The following NOP53 variants were observed in gnomAD, a reference collection of about 807,000 sequenced individuals.
NOP53 encodes the protein ribosome biogenesis protein NOP53.
A neutral mutation model predicts 61.0 loss-of-function variants in NOP53; 40 were observed. That is an observed-to-expected ratio of 0.66 (90% CI 0.51 to 0.85). The LOEUF is 0.85. Ranked by LOEUF, NOP53 falls within the 40% of genes least tolerant of loss-of-function variation. The pLI, the probability that NOP53 is intolerant of heterozygous loss-of-function variation, is 0.00. For synonymous variants in NOP53, 308 were observed against 289.5 expected (o/e 1.06, Z -0.65); for missense variants, 689 against 652.9 (o/e 1.06, Z -0.60).
chr19:47,748,870 C>T (rs374464174), intron 2 of NOP53, among the ~76,000 whole-genome samples: 50 of 151,944 alleles, frequency 3.3e-4, no homozygotes, highest in African/African-American at 1.1e-3. Flanking sequence ...CAGAGCAAGA[C>T]TCTGTCTCAA....
At chr19:47,756,426 G>T in intron 10 of NOP53, 102 bp from the exon 11 acceptor site, 4 of 877,238 alleles carry the variant, frequency 4.6e-6, no homozygotes, top group East Asian at 5.1e-5. Context: ...GCTGCCCTGG[G>T]GGGAGACTGC....
At chr19:47,756,793 C>T (rs200855293) in intron 12 of NOP53, 49 bp downstream of exon 12, 594 of 1,590,682 alleles carry the variant, frequency 3.7e-4, no homozygotes, top group Middle Eastern at 1.3e-3. Flanking sequence ...TCTCCCACCC[C>T]GTGGTGCCCA....
chr19:47,753,148 A>G (rs1967145496), intron 6 of NOP53: 1 of 153,024 alleles, frequency 6.5e-6, no homozygotes, highest in Non-Finnish European at 1.5e-5. Flanking sequence ...AAAGGGGACA[A>G]AAACCCCTCC....
chr19:47,746,994 A>G lies in NOP53; in HGVS notation c.252A>G (p.Glu84=), dbSNP rs374004369. ...GCTTGTTGTCAGAGGCCCCAAATGA[A>G]AAACTCTTCTTCGTGGACACTGGCT... is the stretch of plus-strand genomic sequence containing the variant. ...SGGLLSEAPN[E]KLFFVDTGSK... is the part of the protein sequence containing the mutation. The change falls in exon 2 of 13, where the codon GAA becomes GAG. Residue 84 remains glutamate (E), a synonymous_variant. Transcript: ENST00000246802. 1.2e-6 allele frequency: 2 copies of G among 1,613,864 alleles called. No homozygotes were observed. The highest frequency in any genetic ancestry group is 2.7e-5 in the African/African-American group (2 of 74,924).
rs1967160837 is a variant in NOP53, at chr19:47,754,382, G to A, written c.766-145G>A. On this transcript the variant is annotated intron_variant, in intron 6 of 12. Transcript: ENST00000246802. This position sits in a 1 kb window ranked among gnomAD's most constrained non-coding sequence, Gnocchi z 4.2. ...CCCTCTGGCTCTGTGCAGGGTGGGT[G>A]TGCTGGTAGACGGGGTGTGGGGAGG... 1.5e-6 allele frequency: 1 copy of A among 669,620 alleles called. No individual in the cohort carries two copies. The highest frequency in any genetic ancestry group is 2.3e-5 in the Admixed American group (1 of 43,898). The allele number at this position is 669,620 out of a possible 1,614,324, so 41.5% of individuals were successfully genotyped here.
At chr19:47,747,702 C>T (rs1967080545) in intron 2 of NOP53, among the ~76,000 whole-genome samples, 1 of 151,788 alleles carries the variant, frequency 6.6e-6, no homozygotes, top group African/African-American at 2.4e-5. Context: ...AGCGATTCTC[C>T]TGCCTCAGCC....
At chr19:47,752,115 AAAAT>A (rs1233806079) in intron 5 of NOP53, among the ~76,000 whole-genome samples, 7 of 146,222 alleles carry the variant, frequency 4.8e-5, no homozygotes, top group Non-Finnish European at 1.0e-4. Flanking sequence ...CTCAAAAAAA[AAAAT>A]AAAATAAAAT....
Position 47,750,956 on chromosome 19 carries a change from G to T in NOP53, c.447G>T (p.Glu149Asp). Reference sequence around the variant, plus strand: ...ACGCCAAGAAGCTCAGGCGGAAGGAGCAGCTATGGGAGAAGCTGGCCAAGC... The same window carrying T: ...ACGCCAAGAAGCTCAGGCGGAAGGATCAGCTATGGGAGAAGCTGGCCAAGC... ...VPNAKKLRRK[E>D]QLWEKLAKQG... The change falls in exon 4 of 13, where the codon GAG becomes GAT. Residue 149 changes from glutamate to aspartate, a missense_variant. Physicochemically the swap from Glu to Asp is conservative, Grantham distance 45. Transcript: ENST00000246802. The T allele has an allele frequency of 6.3e-7, 1 of 1,599,566 alleles. No individual in the cohort carries two copies. Among genetic ancestry groups the T allele is most frequent in the Non-Finnish European group, 8.5e-7 (1 of 1,174,382 alleles).
In NOP53 at chr19:47,754,428, A is replaced by G; in HGVS notation, c.766-99A>G. On this transcript the variant is annotated intron_variant, in intron 6 of 12. Transcript: ENST00000246802. The surrounding 1 kb of genome is among the most constrained non-coding windows in gnomAD (Gnocchi z 4.2). ...GGAGGAAAGCCTGGGCCGGGGCGGG[A>G]TCCACGGGCACTGGATGAGGGACAG... is the stretch of plus-strand genomic sequence containing the variant. 1.1e-6 allele frequency: 1 copy of G among 927,930 alleles called. No individual in the cohort carries two copies. The highest frequency in any genetic ancestry group is 1.7e-6 in the Non-Finnish European group (1 of 596,512). 57.5% of individuals were successfully genotyped at this position (927,930 alleles called of 1,614,324 possible).
chr19:47,755,256 A>C (rs1485964668), intron 8 of NOP53, 92 bp from the exon 9 acceptor site: 1 of 813,756 alleles, frequency 1.2e-6, no homozygotes, highest in Non-Finnish European at 1.8e-6. Flanking sequence ...GGGGACAGGC[A>C]GGTTTGTGCA....
chr19:47,747,557 A>G (rs1967079238), intron 2 of NOP53, among the ~76,000 whole-genome samples: 1 of 151,526 alleles, frequency 6.6e-6, no homozygotes, highest in African/African-American at 2.4e-5. Context: ...CAGGAGAATC[A>G]CTTGAACCTG....
rs1175857487 is a variant in NOP53, at chr19:47,754,886, A to T, written c.1048A>T (p.Arg350Trp). Residue 350 changes from arginine (R) to tryptophan (W), a missense_variant, in exon 8 of 13, where the codon AGG becomes TGG. Arg to Trp is a moderately radical substitution (Grantham distance 101). Coordinates refer to ENST00000246802, the MANE Select transcript of NOP53 (RefSeq NM_015710.5). This position sits in a 1 kb window ranked among gnomAD's most constrained non-coding sequence, Gnocchi z 4.2. Reference sequence around the variant, plus strand: ...GCGGCGGCGGGAGAAGGCTGTGCACAGGCTGGTGAGCGCCTGGGCCAGCGG... The same window carrying T: ...GCGGCGGCGGGAGAAGGCTGTGCACTGGCTGGTGAGCGCCTGGGCCAGCGG... ...QQRRREKAVH[R>W]LRVQQAALRA... The T allele has an allele frequency of 1.3e-6, 2 of 1,503,730 alleles. No homozygotes were observed. Among genetic ancestry groups the T allele is most frequent in the South Asian group, 2.6e-5 (2 of 78,036 alleles). 93.1% of individuals were successfully genotyped at this position (1,503,730 alleles called of 1,614,324 possible).
intron 3 of NOP53, 31 bp downstream of exon 3, chr19:47,750,317 T>G: frequency 7.4e-7 from 1 of 1,359,182 alleles, no homozygotes; most frequent in Non-Finnish European, 1.1e-6. Context: ...GGGCCCTTCT[T>G]TCCCACCAGA....
rs753576026 is a variant in NOP53, at chr19:47,751,021, G to A, written c.512G>A (p.Arg171Gln). ...LPREVRRAQA[R>Q]LLNPSATRAK... ...CGGGAGGTGCGCAGGGCCCAGGCCC[G>A]GCTCCTCAACCCTTCTGCAACAAGG... The change falls in exon 4 of 13, where the codon CGG (arginine) becomes CAG (glutamine). Residue 171 changes from arginine (R) to glutamine (Q), a missense_variant. By Grantham distance (43) the Arg-to-Gln change is conservative. Coordinates refer to ENST00000246802, the MANE Select transcript of NOP53 (RefSeq NM_015710.5). The A allele has an allele frequency of 6.2e-6, 10 of 1,600,754 alleles. No individual in the cohort carries two copies. The highest frequency in any genetic ancestry group is 1.7e-4 in the Middle Eastern group (1 of 5,978).
Position 47,754,384 on chromosome 19 carries a change from G to A in NOP53, c.766-143G>A, listed in dbSNP as rs139285536. 5.9e-6 allele frequency: 4 copies of A among 673,542 alleles called. No individual in the cohort carries two copies. In the Admixed American group the frequency reaches 6.8e-5, roughly 11 times the overall value. 41.7% of individuals were successfully genotyped at this position (673,542 alleles called of 1,614,324 possible). On this transcript the variant is annotated intron_variant, in intron 6 of 12. Transcript: ENST00000246802. This position sits in a 1 kb window ranked among gnomAD's most constrained non-coding sequence, Gnocchi z 4.2. ...CTCTGGCTCTGTGCAGGGTGGGTGTGCTGGTAGACGGGGTGTGGGGAGGAA... is the reference window on the plus strand; with the variant it reads ...CTCTGGCTCTGTGCAGGGTGGGTGTACTGGTAGACGGGGTGTGGGGAGGAA...
chr19:47,750,888 T>C lies in NOP53; in HGVS notation c.399-20T>C. 1 of 1,564,128 alleles carries C rather than the reference T, an allele frequency of 6.4e-7. No individual in the cohort carries two copies. On this transcript the variant is annotated intron_variant, in intron 3 of 12. Coordinates refer to ENST00000246802, the MANE Select transcript of NOP53 (RefSeq NM_015710.5). ...GCTGCCACCTCACCTGCTGCACTTG[T>C]GCCCCCTCTCCCCGACCAGCGTCCT... is the stretch of plus-strand genomic sequence containing the variant.
Position 47,756,596 on chromosome 19 carries a change from G to A in NOP53, c.1365G>A (p.Glu455=). 1 of 1,614,058 alleles carries A rather than the reference G, an allele frequency of 6.2e-7. No homozygotes were observed. The change falls in exon 11 of 13, where the codon GAG becomes GAA. Residue 455 remains glutamate, a synonymous_variant. Transcript: ENST00000246802. The part of the protein sequence containing the change: ...FQRRNMIEPR[E]RAKFKRKYKV... The stretch of plus-strand genomic sequence containing the variant: ...GGAGGAATATGATCGAGCCTCGAGA[G>A]AGAGCCAAGTAAGGGGCGGCCGGGG...
At chr19:47,751,679 G>A in intron 5 of NOP53, 89 bp downstream of exon 5, 2 of 1,026,732 alleles carry the variant, frequency 1.9e-6, no homozygotes, top group South Asian at 2.6e-5. Flanking sequence ...GTCTGTCTCA[G>A]AGCCCTTCCA....
chr19:47,755,605 G>C (rs1297836847), intron 9 of NOP53, 82 bp downstream of exon 9: 3 of 1,393,096 alleles, frequency 2.2e-6, no homozygotes, highest in South Asian at 1.4e-5. Flanking sequence ...CCTTTGTTCA[G>C]GAACTGCCCA....
Sources: gnomAD v4.1 joint callset for allele counts (sites outside exome capture counted in the v4.1 genomes callset) on GRCh38, gnomAD v4.1.1 for gene constraint, Gnocchi (gnomAD v3.1) non-coding constraint, MANE v1.5 for transcripts, NCBI Gene and HGNC (gene_info 2026-07-23, HGNC 2026-07-21) for gene names.